CTNNA2: variants seen among roughly 807,000 people sequenced by gnomAD.
CTNNA2 encodes catenin alpha-2.
A neutral mutation model predicts 101.0 loss-of-function variants in CTNNA2; 42 were observed. That is an observed-to-expected ratio of 0.42 (90% CI 0.32 to 0.54). The LOEUF is 0.54. Ranked by LOEUF, CTNNA2 falls within the 20% of genes least tolerant of loss-of-function variation. The pLI is 0.14. For missense variants in CTNNA2, 871 were observed against 1,223.1 expected (o/e 0.71, Z 4.29); for synonymous variants, 450 against 456.4 (o/e 0.99, Z 0.18).
intron 6 of CTNNA2, among the ~76,000 whole-genome samples, chr2:79,878,953 G>C (rs189942055): frequency 6.6e-6 from 1 of 152,234 alleles, no homozygotes; most frequent in African/African-American, 2.4e-5. Flanking sequence ...TATGGTTTTG[G>C]GTTTTACATT....
At chr2:80,214,383 C>T (rs1708111427) in intron 7 of CTNNA2, among the ~76,000 whole-genome samples, 2 of 152,122 alleles carry the variant, frequency 1.3e-5, no homozygotes, top group South Asian at 4.1e-4. Context: ...GTGCTTCCTT[C>T]AGGAGCTCTT....
chr2:79,896,264 C>T (rs1183713243), intron 6 of CTNNA2, among the ~76,000 whole-genome samples: 5 of 149,686 alleles, frequency 3.3e-5, no homozygotes, highest in African/African-American at 1.2e-4. Flanking sequence ...GCCTGAGCAA[C>T]AGAGTATGAG....
At chr2:80,481,437 GTGTT>G (rs1686133168) in intron 9 of CTNNA2, among the ~76,000 whole-genome samples, 1 of 152,074 alleles carries the variant, frequency 6.6e-6, no homozygotes, top group Non-Finnish European at 1.5e-5. Flanking sequence ...GAACTTAAAA[GTGTT>G]TGGTGCACGG....
chr2:79,870,808 G>A (rs1682532269), intron 5 of CTNNA2, among the ~76,000 whole-genome samples: 1 of 152,026 alleles, frequency 6.6e-6, no homozygotes, highest in Non-Finnish European at 1.5e-5. Context: ...TCACTATCAC[G>A]AGAACAGCAT....
intron 3 of CTNNA2, among the ~76,000 whole-genome samples, chr2:79,806,749 T>C (rs1352398357): frequency 6.6e-6 from 1 of 152,076 alleles, no homozygotes. Flanking sequence ...GTGTACAACC[T>C]GCCCCTTCCT....
intron 2 of CTNNA2, among the ~76,000 whole-genome samples, chr2:79,246,674 G>A (rs1479553989): frequency 2.0e-5 from 3 of 152,238 alleles, no homozygotes; most frequent in Admixed American, 2.0e-4. Context: ...TTACATATCA[G>A]CATTCTGTTG....
At chr2:80,352,875 A>C (rs1368183004) in intron 7 of CTNNA2, among the ~76,000 whole-genome samples, 1 of 151,982 alleles carries the variant, frequency 6.6e-6, no homozygotes, top group Non-Finnish European at 1.5e-5. Context: ...ATGATCCTCC[A>C]CTGTAATTTC....
chr2:79,588,516 A>G (rs115366087), intron 1 of CTNNA2, among the ~76,000 whole-genome samples: 503 of 152,324 alleles, frequency 3.3e-3, no homozygotes, highest in Non-Finnish European at 3.9e-3. Flanking sequence ...CAAATTTCTT[A>G]TAACTAAATG....
chr2:80,041,276 T>A (rs1183818019), intron 7 of CTNNA2, among the ~76,000 whole-genome samples: 5 of 152,166 alleles, frequency 3.3e-5, no homozygotes, highest in Admixed American at 1.3e-4. Context: ...TTTATTTTTT[T>A]TTTTTTACTT....
intron 6 of CTNNA2, among the ~76,000 whole-genome samples, chr2:79,901,206 C>T (rs1318313189): frequency 6.7e-6 from 1 of 149,224 alleles, no homozygotes; most frequent in African/African-American, 2.5e-5. Flanking sequence ...TTAACTTTCT[C>T]TTTCAGTTTT....
chr2:79,928,744 T>G (rs1438537639), intron 7 of CTNNA2, among the ~76,000 whole-genome samples: 2 of 152,178 alleles, frequency 1.3e-5, no homozygotes, highest in African/African-American at 4.8e-5. Context: ...TCAGATAGGG[T>G]CAACGCCTCT....
At chr2:79,223,435 G>A (rs1156255479) in intron 2 of CTNNA2, among the ~76,000 whole-genome samples, 1 of 152,146 alleles carries the variant, frequency 6.6e-6, no homozygotes, top group East Asian at 1.9e-4. Context: ...AATTATCTTA[G>A]GGTACATTGT....
At chr2:80,465,271 T>C (rs1349389870) in intron 9 of CTNNA2, among the ~76,000 whole-genome samples, 1 of 152,170 alleles carries the variant, frequency 6.6e-6, no homozygotes, top group Admixed American at 6.5e-5. Context: ...CATTTTGTGA[T>C]CAAGGGGTAT....
chr2:79,771,390 G>A (rs1490803545), intron 3 of CTNNA2, among the ~76,000 whole-genome samples: 2 of 152,072 alleles, frequency 1.3e-5, no homozygotes, highest in Non-Finnish European at 2.9e-5. Flanking sequence ...GATGGTTTTA[G>A]TATGATTCAA....
chr2:80,043,677 G>A (rs1271129938), intron 7 of CTNNA2, among the ~76,000 whole-genome samples: 1 of 152,200 alleles, frequency 6.6e-6, no homozygotes, highest in Non-Finnish European at 1.5e-5. Context: ...AGAAATGGAA[G>A]CCTAGAGAAT....
At chr2:79,529,048 A>C (rs1672585878) in intron 1 of CTNNA2, among the ~76,000 whole-genome samples, 1 of 152,210 alleles carries the variant, frequency 6.6e-6, no homozygotes, top group South Asian at 2.1e-4. Flanking sequence ...TTCACATTTC[A>C]ACAGGAACTT....
intron 4 of CTNNA2, among the ~76,000 whole-genome samples, chr2:79,403,601 A>G (rs1033340572): frequency 5.9e-5 from 9 of 152,034 alleles, no homozygotes; most frequent in African/African-American, 2.2e-4. Flanking sequence ...CAGGAAACTC[A>G]AAATAAACGT....
intron 4 of CTNNA2, among the ~76,000 whole-genome samples, chr2:79,482,383 T>TC (rs1286851805): frequency 6.6e-6 from 1 of 152,172 alleles, no homozygotes; most frequent in African/African-American, 2.4e-5. Context: ...GGGAAGGGCT[T>TC]CAACTACATC....
At chr2:80,156,620 A>AGAAG (rs1284733289) in intron 7 of CTNNA2, among the ~76,000 whole-genome samples, 7 of 152,316 alleles carry the variant, frequency 4.6e-5, no homozygotes, top group Non-Finnish European at 1.0e-4. Flanking sequence ...AGAGAAATTG[A>AGAAG]GAAGGAATAG....
Sources: allele counts gnomAD v4.1 joint callset (sites outside exome capture counted in the v4.1 genomes callset), GRCh38; gene constraint gnomAD v4.1.1; transcripts MANE v1.5; gene names NCBI Gene and HGNC (gene_info 2026-07-23, HGNC 2026-07-21).